Variants in CAMTA1 observed in about 807,000 individuals in gnomAD.
The protein encoded by CAMTA1 is calmodulin binding transcription activator 1.
A neutral mutation model predicts 170.9 loss-of-function variants in CAMTA1; 27 were observed. That is an observed-to-expected ratio of 0.16 (90% CI 0.12 to 0.22). The LOEUF is 0.22. Among genes scored for constraint, CAMTA1 ranks in the 10% least tolerant of loss-of-function variants. The pLI is 1.00. For missense variants in CAMTA1, 1,619 were observed against 2,217.2 expected, an observed-to-expected ratio of 0.73 and a Z score of 5.42; for synonymous variants, 833 against 891.5, an observed-to-expected ratio of 0.93 and a Z score of 1.17.
intron 6 of CAMTA1, among the ~76,000 whole-genome samples, chr1:7,543,324 G>A (rs2094641176): frequency 6.6e-6 from 1 of 151,830 alleles, no homozygotes; most frequent in African/African-American, 2.4e-5. Flanking sequence ...CTCATCCCTG[G>A]GTATTATAAA....
intron 5 of CAMTA1, among the ~76,000 whole-genome samples, chr1:7,272,295 C>G (rs1446177010): frequency 6.6e-6 from 1 of 152,076 alleles, no homozygotes; most frequent in Non-Finnish European, 1.5e-5. Context: ...GATCACAACA[C>G]TTAATATTGT....
At chr1:6,898,041 C>T (rs1054882732) in intron 3 of CAMTA1, among the ~76,000 whole-genome samples, 2 of 152,190 alleles carry the variant, frequency 1.3e-5, no homozygotes, top group South Asian at 2.1e-4. Context: ...AAGTTGTTTA[C>T]CCTACGAAAG....
chr1:7,132,615 G>T (rs1206377520), intron 4 of CAMTA1, among the ~76,000 whole-genome samples: 1 of 152,182 alleles, frequency 6.6e-6, no homozygotes, highest in African/African-American at 2.4e-5. Flanking sequence ...GGAGGCTGAG[G>T]CTGGTGGATT....
intron 6 of CAMTA1, among the ~76,000 whole-genome samples, chr1:7,480,220 CGT>C (rs1295631059): frequency 3.3e-5 from 2 of 60,844 alleles, no homozygotes; most frequent in Admixed American, 1.5e-4. Context: ...CATGTGTGTA[CGT>C]GTGTGTGAGT....
intron 5 of CAMTA1, among the ~76,000 whole-genome samples, chr1:7,454,561 A>G (rs1880808): frequency 0.27 from 41,794 of 152,068 alleles, 6,047 homozygotes; most frequent in Middle Eastern, 0.33. Flanking sequence ...CTTAGTGCCC[A>G]AACTTCCACC....
At chr1:7,508,105 T>G (rs1035450686) in intron 6 of CAMTA1, among the ~76,000 whole-genome samples, 1 of 152,132 alleles carries the variant, frequency 6.6e-6, no homozygotes, top group African/African-American at 2.4e-5. Flanking sequence ...CCTGAGAAGG[T>G]AGGAAGTGGT....
intron 4 of CAMTA1, among the ~76,000 whole-genome samples, chr1:7,100,154 C>T (rs978545191): frequency 2.6e-5 from 4 of 152,156 alleles, no homozygotes; most frequent in Non-Finnish European, 4.4e-5. Flanking sequence ...GCGTGTTGTT[C>T]CTGGGGTCCC....
intron 3 of CAMTA1, among the ~76,000 whole-genome samples, chr1:6,988,227 G>T (rs1325167983): frequency 6.6e-6 from 1 of 152,102 alleles, no homozygotes; most frequent in Admixed American, 6.5e-5. Flanking sequence ...GGGTGATTCT[G>T]CTGGGAGAAG....
At position 7,092,322 on chromosome 1, in the gene CAMTA1, G is replaced by T. The variant is rs559850147; in HGVS notation, c.302+951G>T. Reference sequence around the variant, plus strand: ...TGTCCTCTGTGCCCGTGGCCCATCAGCTTGACCTGTTCATCCTTCCTGAGT... The same window carrying T: ...TGTCCTCTGTGCCCGTGGCCCATCATCTTGACCTGTTCATCCTTCCTGAGT... On this transcript the variant is annotated intron_variant, in intron 4 of 22. Coordinates refer to ENST00000303635, the MANE Select transcript of CAMTA1 (RefSeq NM_015215.4). This position sits in a 1 kb window ranked among gnomAD's most constrained non-coding sequence, Gnocchi z 5.0. Among the ~76,000 whole-genome samples, 1 of 152,304 alleles carries T rather than the reference G, an allele frequency of 6.6e-6. No individual in the cohort carries two copies. The highest frequency in any genetic ancestry group is 6.5e-5 in the Admixed American group (1 of 15,302).
Position 6,892,361 on chromosome 1 carries a change from G to A in CAMTA1, c.234+67151G>A, listed in dbSNP as rs551569496. ...GGATAACTGCGGCCCCCTCTGAGAG[G>A]CTACATCTTGTTTGCGATCTGTGGG... On this transcript the variant is annotated intron_variant, in intron 3 of 22. Transcript: ENST00000303635. Among the ~76,000 whole-genome samples the A allele has an allele frequency of 2.0e-5, 3 of 152,266 alleles. No individual in the cohort carries two copies. In the East Asian group the frequency reaches 5.8e-4, roughly 29 times the overall value.
chr1:7,499,057 G>C (rs1351922481), intron 6 of CAMTA1, among the ~76,000 whole-genome samples: 4 of 148,062 alleles, frequency 2.7e-5, no homozygotes, highest in African/African-American at 1.0e-4. Context: ...TGAGCCTGGT[G>C]TGCGTGTGTA....
intron 4 of CAMTA1, among the ~76,000 whole-genome samples, chr1:7,202,264 G>C (rs528586803): frequency 1.3e-5 from 2 of 152,272 alleles, no homozygotes. Context: ...CTTTGTGCTA[G>C]TACCACATTG....
chr1:6,955,521 C>G (rs1689301309), intron 3 of CAMTA1, among the ~76,000 whole-genome samples: 1 of 152,188 alleles, frequency 6.6e-6, no homozygotes, highest in Admixed American at 6.5e-5. Context: ...AGGCTATTTA[C>G]CTTCTCTATA....
At chr1:7,177,875 G>T (rs76767153) in intron 4 of CAMTA1, among the ~76,000 whole-genome samples, 1 of 150,030 alleles carries the variant, frequency 6.7e-6, no homozygotes, top group African/African-American at 2.5e-5. Flanking sequence ...CACACACTGC[G>T]CCTCCTCCCC....
At position 7,766,592 on chromosome 1, in the gene CAMTA1, C is replaced by T. The variant is rs760276386; in HGVS notation, c.*101C>T. 1.7e-4 allele frequency: 169 copies of T among 978,454 alleles called. No individual in the cohort carries two copies. The highest frequency in any genetic ancestry group is 5.0e-4 in the African/African-American group (31 of 62,428). The allele number at this position is 978,454 out of a possible 1,614,324, so 60.6% of individuals were successfully genotyped here. On this transcript the variant is annotated 3_prime_UTR_variant, in exon 23 of 23. Transcript: ENST00000303635. ...TGCAACAACAACACACACGCACACA[C>T]GCACACACACACACGTACACACACA...
chr1:6,896,215 A>G (rs762848953), intron 3 of CAMTA1, among the ~76,000 whole-genome samples: 5 of 152,150 alleles, frequency 3.3e-5, no homozygotes, highest in Admixed American at 2.0e-4. Flanking sequence ...TTGTACTTAA[A>G]CAGAATCAGC....
At chr1:7,106,255 GGAGAGA>G (rs140851676) in intron 4 of CAMTA1, among the ~76,000 whole-genome samples, 2 of 149,798 alleles carry the variant, frequency 1.3e-5, no homozygotes, top group East Asian at 2.0e-4. Flanking sequence ...AGGGAGGAAG[GGAGAGA>G]GAGAGAGAGA....
intron 4 of CAMTA1, among the ~76,000 whole-genome samples, chr1:7,188,089 C>G (rs1248192013): frequency 6.6e-6 from 1 of 152,152 alleles, no homozygotes; most frequent in Non-Finnish European, 1.5e-5. Context: ...AAGAGGGGAA[C>G]TACCAAACAC....
chr1:7,398,185 C>CATA (rs2089532457), intron 5 of CAMTA1, among the ~76,000 whole-genome samples: 1 of 46,548 alleles, frequency 2.1e-5, no homozygotes, highest in African/African-American at 8.7e-5. Flanking sequence ...CTCTCTCTCT[C>CATA]TCTCTCTCTA....
Sources: allele counts gnomAD v4.1 joint callset (sites outside exome capture counted in the v4.1 genomes callset), GRCh38; gene constraint gnomAD v4.1.1; non-coding constraint Gnocchi (gnomAD v3.1); transcripts MANE v1.5; gene names NCBI Gene and HGNC (gene_info 2026-07-23, HGNC 2026-07-21).